The following ENTHD1 variants were observed in gnomAD, a reference collection of about 807,000 sequenced individuals.
ENTHD1 encodes the protein ENTH domain-containing protein 1.
Under a neutral mutation model 39.1 loss-of-function variants are expected in ENTHD1, and 23 were observed. That is an observed-to-expected ratio of 0.59 (90% CI 0.42 to 0.83). ENTHD1 has a LOEUF of 0.83. Among genes scored for constraint, ENTHD1 ranks in the 40% least tolerant of loss-of-function variants. ENTHD1 has a pLI of 0.00. For synonymous variants in ENTHD1, 230 were observed against 258.2 expected (o/e 0.89, Z 1.05); for missense variants, 624 against 705.4 (o/e 0.88, Z 1.31).
intron 4 of ENTHD1, among the ~76,000 whole-genome samples, chr22:39,829,430 T>C (rs1350205035): frequency 4.0e-5 from 6 of 151,388 alleles, no homozygotes; most frequent in Non-Finnish European, 5.9e-5. Flanking sequence ...GCACATAGGA[T>C]TATTCAAGTC....
chr22:39,801,071 T>C (rs2065594791), intron 5 of ENTHD1, among the ~76,000 whole-genome samples: 1 of 152,214 alleles, frequency 6.6e-6, no homozygotes, highest in South Asian at 2.1e-4. Context: ...ACAGTTAAGA[T>C]ATGATTATCA....
chr22:39,807,764 C>T (rs1013978534), intron 5 of ENTHD1, among the ~76,000 whole-genome samples: 1 of 152,140 alleles, frequency 6.6e-6, no homozygotes, highest in African/African-American at 2.4e-5. Context: ...TTGTGGGTCA[C>T]ATCTAAATTT....
At chr22:39,799,526 C>T (rs866564868) in intron 5 of ENTHD1, among the ~76,000 whole-genome samples, 2 of 151,956 alleles carry the variant, frequency 1.3e-5, no homozygotes, top group African/African-American at 2.4e-5. Context: ...AAGGTCTCAA[C>T]AAAAAAAGAC....
intron 2 of ENTHD1, among the ~76,000 whole-genome samples, chr22:39,885,830 T>G (rs1448056929): frequency 6.6e-6 from 1 of 152,198 alleles, no homozygotes; most frequent in Non-Finnish European, 1.5e-5. Context: ...AGCTATTGCT[T>G]AATGCTTACG....
chr22:39,862,546 CAAA>C (rs553393294), intron 2 of ENTHD1, among the ~76,000 whole-genome samples: 5 of 70,370 alleles, frequency 7.1e-5, no homozygotes, highest in Admixed American at 1.6e-4. Context: ...GACTCTGTCT[CAAA>C]AAAAAAAAAA....
chr22:39,789,693 T>C (rs1365890619), intron 5 of ENTHD1, among the ~76,000 whole-genome samples: 1 of 152,190 alleles, frequency 6.6e-6, no homozygotes, highest in Non-Finnish European at 1.5e-5. Context: ...GTCTTTGCCC[T>C]CTTAAAGCTT....
At chr22:39,784,786 G>A (rs2065441269) in intron 5 of ENTHD1, among the ~76,000 whole-genome samples, 1 of 152,126 alleles carries the variant, frequency 6.6e-6, no homozygotes, top group Non-Finnish European at 1.5e-5. Flanking sequence ...GAAGGGTGGA[G>A]TGGGGATGCA....
At chr22:39,825,867 T>C (rs2065822308) in intron 4 of ENTHD1, among the ~76,000 whole-genome samples, 1 of 152,240 alleles carries the variant, frequency 6.6e-6, no homozygotes, top group East Asian at 1.9e-4. Context: ...ACAAACCAAA[T>C]AGATGTTCTT....
Position 39,765,379 on chromosome 22 carries a change from T to C in ENTHD1, c.1063A>G (p.Thr355Ala), listed in dbSNP as rs752021273. The change falls in exon 6 of 7, where the codon ACT (threonine) becomes GCT (alanine). Residue 355 changes from threonine to alanine, a missense_variant. Thr to Ala is a moderately conservative substitution (Grantham distance 58). Transcript: ENST00000325157. ...TCTACAGAGGCCTGGTTATGGAAAG[T>C]AGAATCTGACTTTGATACCCTTAAG... ...PDLRVSKSDS[T>A]FHNQASVETL... 1.2e-6 allele frequency: 2 copies of C among 1,614,042 alleles called. No homozygotes were observed. The highest frequency in any genetic ancestry group is 8.5e-7 in the Non-Finnish European group (1 of 1,179,980).
intron 3 of ENTHD1, among the ~76,000 whole-genome samples, chr22:39,851,013 C>T (rs180988029): frequency 6.6e-6 from 1 of 152,248 alleles, no homozygotes; most frequent in Admixed American, 6.5e-5. Context: ...CCCTTTAATG[C>T]AGGTCTCATG....
intron 5 of ENTHD1, among the ~76,000 whole-genome samples, chr22:39,806,055 C>T (rs991983054): frequency 6.6e-6 from 1 of 152,166 alleles, no homozygotes; most frequent in African/African-American, 2.4e-5. Context: ...CTACAACCTA[C>T]TAATTTCAGT....
At chr22:39,788,386 G>A (rs2065476412) in intron 5 of ENTHD1, among the ~76,000 whole-genome samples, 1 of 152,176 alleles carries the variant, frequency 6.6e-6, no homozygotes, top group Admixed American at 6.6e-5. Context: ...CAGATGTGGT[G>A]GAAATAGCAA....
At chr22:39,866,114 G>C (rs2066179915) in intron 2 of ENTHD1, among the ~76,000 whole-genome samples, 1 of 152,158 alleles carries the variant, frequency 6.6e-6, no homozygotes, top group African/African-American at 2.4e-5. Flanking sequence ...TGCCACGATT[G>C]GCAACCTCAG....
chr22:39,857,623 T>TG (rs1420215985), intron 3 of ENTHD1, among the ~76,000 whole-genome samples: 1 of 152,192 alleles, frequency 6.6e-6, no homozygotes, highest in African/African-American at 2.4e-5. Flanking sequence ...TCTACCCTGC[T>TG]GTTCCCTCTG....
rs770191722 is a variant in ENTHD1 at position 39,765,349 on chromosome 22, G to A, written c.1093C>T (p.Leu365Phe). The A allele has an allele frequency of 1.2e-6, 2 of 1,613,918 alleles. No homozygotes were observed. The highest frequency in any genetic ancestry group is 1.7e-6 in the Non-Finnish European group (2 of 1,179,972). ...ATTTTGAATGAGGGAGAGAGACAGA[G>A]TGTTTCTACAGAGGCCTGGTTATGG... is the stretch of plus-strand genomic sequence containing the variant. Reference protein sequence around the residue: ...TFHNQASVETLCLSPSFKIFD... With the variant: ...TFHNQASVETFCLSPSFKIFD... Residue 365 changes from leucine (L) to phenylalanine (F), a missense_variant, in exon 6 of 7, where the codon CTC (leucine) becomes TTC (phenylalanine). Leu to Phe is a conservative substitution (Grantham distance 22). Coordinates refer to ENST00000325157, the MANE Select transcript of ENTHD1 (RefSeq NM_152512.4).
At position 39,876,156 on chromosome 22, in the gene ENTHD1, T is replaced by A. The variant is rs964374195; in HGVS notation, c.349+11244A>T. On this transcript the variant is annotated intron_variant, in intron 2 of 6. Transcript: ENST00000325157. ...TCATAGGCTTCTTTCAGTCTTTATG[T>A]CACCTCAGGAGACTTATTTGAGAGG... 1.2e-5 allele frequency: 19 copies of A among 1,528,594 alleles called. No individual in the cohort carries two copies. The African/African-American group carries it at 2.4e-4, about 19-fold the overall frequency. The allele number at this position is 1,528,594 out of a possible 1,614,324, so 94.7% of individuals were successfully genotyped here. A position where few individuals can be genotyped will look rare whatever the true frequency, so the allele number is the denominator to read the frequency against.
At chr22:39,811,885 A>G (rs11705131) in intron 5 of ENTHD1, among the ~76,000 whole-genome samples, 15,129 of 152,104 alleles carry the variant, frequency 0.099, 879 homozygotes, top group Middle Eastern at 0.13. Context: ...AGGCTGAGGC[A>G]GGAGGATGCT....
At chr22:39,795,624 T>A (rs1217790674) in intron 5 of ENTHD1, among the ~76,000 whole-genome samples, 3 of 151,546 alleles carry the variant, frequency 2.0e-5, no homozygotes, top group Non-Finnish European at 4.4e-5. Flanking sequence ...AGACAAGATC[T>A]TGTTATCTTG....
At chr22:39,869,564 C>T (rs1045966907) in intron 2 of ENTHD1, among the ~76,000 whole-genome samples, 3 of 151,460 alleles carry the variant, frequency 2.0e-5, no homozygotes, top group Non-Finnish European at 4.4e-5. Context: ...CCCCAAACCT[C>T]AGCATCACAC....
Sources: gnomAD v4.1 joint callset for allele counts (sites outside exome capture counted in the v4.1 genomes callset) on GRCh38, gnomAD v4.1.1 for gene constraint, MANE v1.5 for transcripts, NCBI Gene and HGNC (gene_info 2026-07-23, HGNC 2026-07-21) for gene names.